Variants in FUBP3 observed in about 807,000 individuals in gnomAD.
FUBP3 encodes far upstream element-binding protein 3.
A neutral mutation model predicts 85.6 loss-of-function variants in FUBP3; 28 were observed. That is an observed-to-expected ratio of 0.33 (90% CI 0.24 to 0.45). FUBP3 has a LOEUF of 0.45. Ranked by LOEUF, FUBP3 falls within the 20% of genes least tolerant of loss-of-function variation. FUBP3 has a pLI of 1.00. For synonymous variants in FUBP3, 271 were observed against 271.4 expected (o/e 1.00, Z 0.01); for missense variants, 583 against 755.1 (o/e 0.77, Z 2.67).
chr9:130,636,801 G>C (rs1830437701), intron 18 of FUBP3, among the ~76,000 whole-genome samples: 1 of 152,210 alleles, frequency 6.6e-6, no homozygotes, highest in Non-Finnish European at 1.5e-5. Flanking sequence ...TGGGGAAACA[G>C]GTGTCAGGGC....
rs756877913 is a variant in FUBP3 at position 130,636,038 on chromosome 9, C to T, written c.1622C>T (p.Pro541Leu). ...ASAAPQASSP[P>L]DYTMAWAEYY... ...GCTGCTCCTCAGGCCAGCTCCCCAC[C>T]GGACTACACAATGGCCTGGGCAGAA... The change falls in exon 18 of 19, where the codon CCG (proline) becomes CTG (leucine). Residue 541 changes from proline (P) to leucine (L), a missense_variant. Transcript: ENST00000319725. The T allele has an allele frequency of 2.5e-6, 4 of 1,584,182 alleles. No individual in the cohort carries two copies. Among genetic ancestry groups the T allele is most frequent in the African/African-American group, 1.5e-5 (1 of 65,846 alleles).
At chr9:130,632,742 G>A (rs1830265771) in intron 16 of FUBP3, among the ~76,000 whole-genome samples, 1 of 152,228 alleles carries the variant, frequency 6.6e-6, no homozygotes, top group African/African-American at 2.4e-5. Flanking sequence ...CAAACAGCTA[G>A]GGAATGACTT....
chr9:130,623,965 G>T (rs1564218153), intron 11 of FUBP3, among the ~76,000 whole-genome samples: 1 of 152,150 alleles, frequency 6.6e-6, no homozygotes, highest in Non-Finnish European at 1.5e-5. Context: ...TTTAAACCAT[G>T]TGGGGAAATA....
At chr9:130,588,151 G>A (rs903841418) in intron 1 of FUBP3, among the ~76,000 whole-genome samples, 3 of 152,190 alleles carry the variant, frequency 2.0e-5, no homozygotes, top group East Asian at 1.9e-4. Flanking sequence ...CAAAACTCCC[G>A]GGGAGTGGCA....
chr9:130,589,048 G>A (rs537835357), intron 1 of FUBP3, among the ~76,000 whole-genome samples: 7 of 152,292 alleles, frequency 4.6e-5, no homozygotes, highest in African/African-American at 1.7e-4. Context: ...TCCCTGTTGA[G>A]TAGCAGGGAC....
chr9:130,609,497 G>A (rs1405596192), intron 2 of FUBP3, among the ~76,000 whole-genome samples: 1 of 152,158 alleles, frequency 6.6e-6, no homozygotes. Flanking sequence ...TGGCCAGGAG[G>A]AGCATATGTG....
intron 1 of FUBP3, among the ~76,000 whole-genome samples, chr9:130,593,844 T>C (rs1337954415): frequency 6.6e-6 from 1 of 152,246 alleles, no homozygotes; most frequent in African/African-American, 2.4e-5. Flanking sequence ...GTTGCTTTAT[T>C]ATGAAGATCA....
At chr9:130,631,392 C>T in intron 13 of FUBP3, 165 bp from the exon 14 acceptor site, 1 of 1,332,914 alleles carries the variant, frequency 7.5e-7, no homozygotes, top group Non-Finnish European at 1.0e-6. Flanking sequence ...GCCATTTCTG[C>T]AGCGCAGCCT....
At chr9:130,636,168 C>A (rs372865671) in intron 18 of FUBP3, 42 bp downstream of exon 18, 2 of 1,596,170 alleles carry the variant, frequency 1.3e-6, no homozygotes, top group East Asian at 2.2e-5. Flanking sequence ...TCCCTAGCCC[C>A]GAGCCCCTGC....
chr9:130,601,646 C>T (rs1831159607), intron 2 of FUBP3, among the ~76,000 whole-genome samples: 1 of 152,026 alleles, frequency 6.6e-6, no homozygotes, highest in South Asian at 2.1e-4. Context: ...ACTTCATGAC[C>T]TGCTGAAGAA....
In FUBP3 at chr9:130,631,869, C is replaced by T. The variant is rs1011146216; in HGVS notation, c.1353-73C>T. On this transcript the variant is annotated intron_variant, in intron 14 of 18. Coordinates refer to ENST00000319725, the MANE Select transcript of FUBP3 (RefSeq NM_003934.2). ...CTGTCCCGACTGCCCCCTCAGTGCCCTGGGGCTGCGGGGAGGGGACGAGCC... is the reference window on the plus strand; with the variant it reads ...CTGTCCCGACTGCCCCCTCAGTGCCTTGGGGCTGCGGGGAGGGGACGAGCC... 2.9e-5 allele frequency: 34 copies of T among 1,155,850 alleles called. 1 individual carries two copies. Among genetic ancestry groups the T allele is most frequent in the Non-Finnish European group, 4.0e-5 (31 of 768,114 alleles). 71.6% of individuals were successfully genotyped at this position (1,155,850 alleles called of 1,614,324 possible).
Position 130,612,560 on chromosome 9 carries a change from C to T in FUBP3, c.274+55C>T. On this transcript the variant is annotated intron_variant, in intron 4 of 18. Transcript: ENST00000319725. The surrounding 1 kb of genome is among the most constrained non-coding windows in gnomAD (Gnocchi z 4.1). The stretch of plus-strand genomic sequence containing the variant: ...TGATTCCTGTCTCTTCTTTTTCTCT[C>T]TTTTTTTCTGAGCTGCTTTGCCAGG... 9.0e-7 allele frequency: 1 copy of T among 1,107,444 alleles called. No individual in the cohort carries two copies. The highest frequency in any genetic ancestry group is 1.3e-5 in the South Asian group (1 of 77,926). 68.6% of individuals were successfully genotyped at this position (1,107,444 alleles called of 1,614,324 possible).
chr9:130,623,779 G>A lies in FUBP3; in HGVS notation c.975+68G>A, dbSNP rs182842518. ...GTGGAAAGTGCTACCCGGGGCTCTC[G>A]GTGCAGCACCATAGAGCTGTCACCC... is the stretch of plus-strand genomic sequence containing the variant. On this transcript the variant is annotated intron_variant, in intron 11 of 18. Transcript: ENST00000319725. The A allele has an allele frequency of 9.3e-4, 941 of 1,017,176 alleles. 5 individuals are homozygous for A. Among genetic ancestry groups the A allele is most frequent in the Middle Eastern group, 7.3e-3 (33 of 4,532 alleles). 63.0% of individuals were successfully genotyped at this position (1,017,176 alleles called of 1,614,324 possible).
Position 130,623,730 on chromosome 9 carries a change from AGT to A in FUBP3, c.975+23_975+24del. 1 of 1,535,884 alleles carries A rather than the reference AGT, an allele frequency of 6.5e-7. No individual in the cohort carries two copies. Among genetic ancestry groups the A allele is most frequent in the South Asian group, 1.1e-5 (1 of 89,352 alleles). On this transcript the variant is annotated intron_variant, in intron 11 of 18. Transcript: ENST00000319725. ...AGCCCAGGTGGGTCCAGCTCTGCAG[AGT>A]GTGAGTGTTTGGGCTGCAGAAGTGG...
chr9:130,589,732 A>ATTTTTTT (rs1564191169), intron 1 of FUBP3, among the ~76,000 whole-genome samples: 2 of 93,886 alleles, frequency 2.1e-5, no homozygotes, highest in African/African-American at 1.1e-4. Flanking sequence ...TTTTTTTAAG[A>ATTTTTTT]GACAGGGTCT....
chr9:130,622,099 G>A (rs1288620871), intron 9 of FUBP3, among the ~76,000 whole-genome samples: 2 of 151,836 alleles, frequency 1.3e-5, no homozygotes, highest in East Asian at 3.9e-4. Flanking sequence ...AAGACAGGCA[G>A]ATCACTTGAG....
chr9:130,631,872 G>C, intron 14 of FUBP3, 70 bp from the exon 15 acceptor site: 1 of 1,178,810 alleles, frequency 8.5e-7, no homozygotes, highest in Non-Finnish European at 1.3e-6. Context: ...CAGTGCCCTG[G>C]GGCTGCGGGG....
At chr9:130,592,516 C>A (rs947730211) in intron 1 of FUBP3, among the ~76,000 whole-genome samples, 1 of 152,084 alleles carries the variant, frequency 6.6e-6, no homozygotes, top group East Asian at 1.9e-4. Flanking sequence ...TATCTTGTCT[C>A]CTAGCAGTCA....
chr9:130,630,792 C>A lies in FUBP3; in HGVS notation c.1278+4C>A. The A allele has an allele frequency of 1.4e-6, 2 of 1,469,442 alleles. No individual in the cohort carries two copies. Among genetic ancestry groups the A allele is most frequent in the South Asian group, 1.4e-5 (1 of 69,294 alleles). 91.0% of individuals were successfully genotyped at this position (1,469,442 alleles called of 1,614,324 possible). On this transcript the variant is annotated splice_donor_region_variant and intron_variant, in intron 13 of 18. Coordinates refer to ENST00000319725, the MANE Select transcript of FUBP3 (RefSeq NM_003934.2). ...GCTCATAGATGAGAAAGTTGGCGTA[C>A]GTACAGGGTCCTTCCCCCACCTGGT...
Sources: allele counts gnomAD v4.1 joint callset (sites outside exome capture counted in the v4.1 genomes callset), GRCh38; gene constraint gnomAD v4.1.1; non-coding constraint Gnocchi (gnomAD v3.1); transcripts MANE v1.5; gene names NCBI Gene and HGNC (gene_info 2026-07-23, HGNC 2026-07-21).